Variants in RERG observed in about 807,000 individuals in gnomAD.
The protein encoded by RERG is ras-related and estrogen-regulated growth inhibitor.
In RERG, 25 loss-of-function variants were observed where a neutral mutation model predicts 23.2. The observed-to-expected ratio is 1.08, with a 90% CI of 0.79 to 1.50. The LOEUF (loss-of-function observed/expected upper bound fraction) is 1.50. RERG is among the 40% of genes most tolerant of loss of function. RERG has a pLI of 0.00. For synonymous variants in RERG, 81 were observed against 89.1 expected (o/e 0.91, Z 0.51); for missense variants, 253 against 250.1 (o/e 1.01, Z -0.08).
rs1199718721 is a variant in RERG, at chr12:15,142,345, T to TTTG, written c.62-21227_62-21226insCAA. ...CTCTAAGAGTAAATTTCTTAGTAAA[T>TTTG]TGTCAGACAAAACCAAAATCTAACA... On this transcript the variant is annotated intron_variant, in intron 2 of 4. Coordinates refer to ENST00000256953, the MANE Select transcript of RERG (RefSeq NM_032918.3). 1.7e-4 allele frequency among the ~76,000 whole-genome samples: 26 copies of TTTG among 152,154 alleles called. 1 individual carries two copies. The highest frequency in any genetic ancestry group is 6.0e-4 in the African/African-American group (25 of 41,428).
At chr12:15,116,246 T>C (rs559244921) in intron 3 of RERG, among the ~76,000 whole-genome samples, 5 of 152,316 alleles carry the variant, frequency 3.3e-5, no homozygotes, top group African/African-American at 1.2e-4. Context: ...CCCTTTGGCT[T>C]CTCCCTCTGC....
At chr12:15,207,514 G>T (rs1182616713) in intron 2 of RERG, among the ~76,000 whole-genome samples, 1 of 152,084 alleles carries the variant, frequency 6.6e-6, no homozygotes, top group African/African-American at 2.4e-5. Context: ...ACATTATGTT[G>T]TCTCTTATCC....
chr12:15,152,925 T>G (rs992030776), intron 2 of RERG, among the ~76,000 whole-genome samples: 1 of 152,226 alleles, frequency 6.6e-6, no homozygotes, highest in Non-Finnish European at 1.5e-5. Flanking sequence ...GATGTTATGC[T>G]ACTTAGGAAA....
intron 2 of RERG, among the ~76,000 whole-genome samples, chr12:15,171,102 G>T (rs146169130): frequency 1.3e-5 from 2 of 152,196 alleles, no homozygotes; most frequent in Non-Finnish European, 2.9e-5. Flanking sequence ...ACTGCAATGC[G>T]ATGCCACTGT....
At chr12:15,132,586 C>G (rs749097750) in intron 2 of RERG, among the ~76,000 whole-genome samples, 2 of 152,122 alleles carry the variant, frequency 1.3e-5, no homozygotes, top group Non-Finnish European at 2.9e-5. Flanking sequence ...TATGGTAAGA[C>G]TTTGTTTAGC....
chr12:15,187,604 G>A (rs568804649), intron 2 of RERG, among the ~76,000 whole-genome samples: 1 of 151,688 alleles, frequency 6.6e-6, no homozygotes, highest in African/African-American at 2.4e-5. Flanking sequence ...TGTCACCCAG[G>A]CTGTAGGGCA....
At chr12:15,156,697 T>G (rs1017143478) in intron 2 of RERG, among the ~76,000 whole-genome samples, 2 of 152,198 alleles carry the variant, frequency 1.3e-5, no homozygotes, top group African/African-American at 4.8e-5. Flanking sequence ...AAGAGCAGAA[T>G]GGTATTATCA....
intron 2 of RERG, among the ~76,000 whole-genome samples, chr12:15,201,411 A>G (rs984873559): frequency 3.3e-5 from 5 of 151,840 alleles, no homozygotes; most frequent in Admixed American, 6.6e-5. Flanking sequence ...TTGCACCTCA[A>G]TCTTCTCATA....
chr12:15,156,699 G>A (rs1307762419), intron 2 of RERG, among the ~76,000 whole-genome samples: 1 of 152,150 alleles, frequency 6.6e-6, no homozygotes, highest in Non-Finnish European at 1.5e-5. Flanking sequence ...GAGCAGAATG[G>A]TATTATCATT....
chr12:15,192,207 C>T (rs528699390), intron 2 of RERG, among the ~76,000 whole-genome samples: 130 of 152,240 alleles, frequency 8.5e-4, no homozygotes, highest in Non-Finnish European at 1.5e-3. Context: ...TGCGGCATTT[C>T]GCTGTCTCTC....
At chr12:15,128,807 C>T (rs1012064001) in intron 2 of RERG, among the ~76,000 whole-genome samples, 1 of 152,142 alleles carries the variant, frequency 6.6e-6, no homozygotes, top group Non-Finnish European at 1.5e-5. Context: ...GGCAATTCAG[C>T]TCCTTCTTCT....
intron 2 of RERG, among the ~76,000 whole-genome samples, chr12:15,201,636 A>G (rs1474399016): frequency 1.3e-5 from 2 of 149,194 alleles, no homozygotes; most frequent in East Asian, 1.9e-4. Context: ...ATTATTAGTA[A>G]TTGTTAGTAT....
intron 4 of RERG, among the ~76,000 whole-genome samples, chr12:15,110,377 G>A (rs1863582551): frequency 7.0e-6 from 1 of 143,344 alleles, no homozygotes; most frequent in African/African-American, 2.6e-5. Flanking sequence ...TAAACACTTT[G>A]ATTCAAGTCT....
At chr12:15,183,963 G>C (rs1864958399) in intron 2 of RERG, among the ~76,000 whole-genome samples, 1 of 152,128 alleles carries the variant, frequency 6.6e-6, no homozygotes, top group Non-Finnish European at 1.5e-5. Context: ...TCAAAGTTTT[G>C]CAGGAAGCCA....
chr12:15,111,501 G>A, intron 3 of RERG, 84 bp from the exon 4 acceptor site: 2 of 1,054,838 alleles, frequency 1.9e-6, no homozygotes, highest in Non-Finnish European at 2.9e-6. Context: ...AATGGGCATG[G>A]GAGAAGTATT....
chr12:15,110,467 T>C (rs1328491909), intron 4 of RERG, among the ~76,000 whole-genome samples: 2 of 67,944 alleles, frequency 2.9e-5, no homozygotes, highest in Non-Finnish European at 3.2e-5. Context: ...TTTTTTCTTT[T>C]TTTTTTTTTT....
chr12:15,148,691 A>G (rs935830368), intron 2 of RERG, among the ~76,000 whole-genome samples: 1 of 152,146 alleles, frequency 6.6e-6, no homozygotes, highest in Non-Finnish European at 1.5e-5. Flanking sequence ...TTTTATTACA[A>G]CTACTAATTC....
chr12:15,168,510 C>A (rs1327089384), intron 2 of RERG, among the ~76,000 whole-genome samples: 11 of 152,274 alleles, frequency 7.2e-5, no homozygotes, highest in Admixed American at 4.6e-4. Flanking sequence ...CAAGTGAGAG[C>A]ACTTTGGAAA....
intron 2 of RERG, chr12:15,137,953 G>T: frequency 2.6e-6 from 1 of 385,180 alleles, no homozygotes; most frequent in Non-Finnish European, 5.1e-6. Context: ...CAGGTTTATT[G>T]GCAGCAAATT....
Sources: gnomAD v4.1 joint callset for allele counts (sites outside exome capture counted in the v4.1 genomes callset) on GRCh38, gnomAD v4.1.1 for gene constraint, MANE v1.5 for transcripts, NCBI Gene and HGNC (gene_info 2026-07-23, HGNC 2026-07-21) for gene names.